Variants in C8orf34 observed in about 807,000 individuals in gnomAD.
C8orf34 encodes chromosome 8 open reading frame 34.
Under a neutral mutation model 68.3 loss-of-function variants are expected in C8orf34, and 65 were observed. That is an observed-to-expected ratio of 0.95 (90% CI 0.78 to 1.17). The LOEUF is 1.17. Among genes scored for constraint, C8orf34 ranks in the 50% most tolerant of loss-of-function variants. The pLI, the probability that C8orf34 is intolerant of heterozygous loss-of-function variation, is 0.00. For missense variants in C8orf34, 664 were observed against 655.4 expected (o/e 1.01, Z -0.14); for synonymous variants, 244 against 241.2 (o/e 1.01, Z -0.11).
intron 7 of C8orf34, among the ~76,000 whole-genome samples, chr8:68,606,650 G>C (rs1391561381): frequency 1.3e-5 from 2 of 152,032 alleles, no homozygotes; most frequent in Non-Finnish European, 2.9e-5. Context: ...CAGGCAACAT[G>C]ATACCCTGCC....
At chr8:68,434,726 G>C (rs1298410994) in intron 1 of C8orf34, among the ~76,000 whole-genome samples, 1 of 152,114 alleles carries the variant, frequency 6.6e-6, no homozygotes, top group Non-Finnish European at 1.5e-5. Context: ...TGAAGTTAAA[G>C]ATTCTAGTTG....
chr8:68,464,649 A>G (rs1318529592), intron 3 of C8orf34, among the ~76,000 whole-genome samples: 1 of 152,058 alleles, frequency 6.6e-6, no homozygotes, highest in East Asian at 1.9e-4. Flanking sequence ...AACACTGCAT[A>G]TCTACAACTA....
intron 2 of C8orf34, 84 bp from the exon 3 acceptor site, chr8:68,446,245 T>C: frequency 2.7e-6 from 3 of 1,127,102 alleles, no homozygotes; most frequent in Non-Finnish European, 3.8e-6. Flanking sequence ...TTTTGTCAAG[T>C]ATATTTAATG....
intron 7 of C8orf34, among the ~76,000 whole-genome samples, chr8:68,544,808 A>G (rs1447197497): frequency 6.6e-6 from 1 of 152,130 alleles, no homozygotes; most frequent in African/African-American, 2.4e-5. Flanking sequence ...CGGAAAAAAA[A>G]TCAGCAAATT....
At chr8:68,465,890 A>T (rs1812103795) in intron 3 of C8orf34, among the ~76,000 whole-genome samples, 3 of 151,982 alleles carry the variant, frequency 2.0e-5, no homozygotes, top group Non-Finnish European at 2.9e-5. Flanking sequence ...AACATGGCAC[A>T]TGTATACATA....
chr8:68,529,579 A>T (rs899787771), intron 6 of C8orf34, among the ~76,000 whole-genome samples: 2 of 152,204 alleles, frequency 1.3e-5, no homozygotes, highest in African/African-American at 4.8e-5. Flanking sequence ...GAAGTATTTG[A>T]TAACAGGGTG....
At chr8:68,732,045 T>C (rs934073070) in intron 10 of C8orf34, among the ~76,000 whole-genome samples, 1 of 152,224 alleles carries the variant, frequency 6.6e-6, no homozygotes, top group Admixed American at 6.5e-5. Flanking sequence ...GATGTGAAGG[T>C]GTTGGGACAC....
Position 68,804,764 on chromosome 8 carries a change from A to G in C8orf34, c.1550-11122A>G, listed in dbSNP as rs566553019. Among the ~76,000 whole-genome samples the G allele has an allele frequency of 1.2e-3, 182 of 152,306 alleles. 2 individuals carry two copies. The highest frequency in any genetic ancestry group is 1.9e-3 in the Non-Finnish European group (132 of 68,024). On this transcript the variant is annotated intron_variant, in intron 12 of 13. Coordinates refer to ENST00000518698, the MANE Select transcript of C8orf34 (RefSeq NM_052958.4). ...AGGGCACTCCAGCCTGGATGACAAG[A>G]GTAAGACCCTGCCTCAAAATAAATA...
intron 7 of C8orf34, among the ~76,000 whole-genome samples, chr8:68,592,644 C>CAGG (rs1817431345): frequency 7.5e-6 from 1 of 133,298 alleles, no homozygotes; most frequent in Non-Finnish European, 1.5e-5. Context: ...CTCTGTCGCC[C>CAGG]AGGCTGGAGT....
At chr8:68,603,521 ATATCTATCTATC>A (rs10542466) in intron 7 of C8orf34, among the ~76,000 whole-genome samples, 119 of 140,550 alleles carry the variant, frequency 8.5e-4, no homozygotes, top group East Asian at 1.7e-3. Context: ...ATATATACAT[ATATCTATCTATC>A]TATCTATCTA....
intron 1 of C8orf34, among the ~76,000 whole-genome samples, chr8:68,384,245 T>A (rs993171321): frequency 1.3e-5 from 2 of 152,316 alleles, no homozygotes; most frequent in Non-Finnish European, 2.9e-5. Flanking sequence ...ATAGGTTCCT[T>A]CGAGAGTAAA....
intron 1 of C8orf34, among the ~76,000 whole-genome samples, chr8:68,404,599 C>T (rs186984663): frequency 2.8e-4 from 42 of 152,256 alleles, no homozygotes; most frequent in Non-Finnish European, 3.8e-4. Context: ...ATATGACTAG[C>T]CAGTTTTCCC....
chr8:68,384,432 C>G (rs7015549), intron 1 of C8orf34, among the ~76,000 whole-genome samples: 65,983 of 152,134 alleles, frequency 0.43, 14,544 homozygotes, highest in Non-Finnish European at 0.48. Flanking sequence ...CTGGCCTCTG[C>G]TTCTGGGTCT....
chr8:68,662,978 G>A (rs1003072413), intron 8 of C8orf34, among the ~76,000 whole-genome samples: 1 of 152,170 alleles, frequency 6.6e-6, no homozygotes, highest in African/African-American at 2.4e-5. Context: ...AAACATAGGA[G>A]TTCTGAAAAC....
At chr8:68,605,253 C>G (rs7831265) in intron 7 of C8orf34, among the ~76,000 whole-genome samples, 40,836 of 152,016 alleles carry the variant, frequency 0.27, 7,652 homozygotes, top group African/African-American at 0.54. Context: ...CTCATTCATT[C>G]CTGGTAGGAA....
intron 3 of C8orf34, among the ~76,000 whole-genome samples, chr8:68,465,253 A>C (rs1812062207): frequency 6.6e-6 from 1 of 151,800 alleles, no homozygotes; most frequent in Admixed American, 6.6e-5. Context: ...ACAATGAGAT[A>C]CCATCTCACA....
In C8orf34 at chr8:68,367,952, A is replaced by G. The variant is rs1179724969; in HGVS notation, c.327+36613A>G. Among the ~76,000 whole-genome samples the G allele has an allele frequency of 2.7e-5, 4 of 145,962 alleles. No individual in the cohort carries two copies. The East Asian group carries it at 6.0e-4, about 22-fold the overall frequency. ...AAAAAAAAAAAGAAAAAAGTACATCACTGAGCTGAAGAAAGATAAACTGGT... is the reference window on the plus strand; with the variant it reads ...AAAAAAAAAAAGAAAAAAGTACATCGCTGAGCTGAAGAAAGATAAACTGGT... On this transcript the variant is annotated intron_variant, in intron 1 of 13. Coordinates refer to ENST00000518698, the MANE Select transcript of C8orf34 (RefSeq NM_052958.4).
chr8:68,590,124 A>G (rs1397021383), intron 7 of C8orf34, among the ~76,000 whole-genome samples: 1 of 149,084 alleles, frequency 6.7e-6, no homozygotes, highest in Non-Finnish European at 1.5e-5. Context: ...AGAGAAAGGA[A>G]GAGAAAGGAA....
chr8:68,533,276 T>C lies in C8orf34; in HGVS notation c.1105+127T>C, dbSNP rs142146130. 119 of 1,409,458 alleles carry C rather than the reference T, an allele frequency of 8.4e-5. No homozygotes were observed. In the African/African-American group the frequency reaches 9.3e-4, roughly 11 times the overall value. The allele number at this position is 1,409,458 out of a possible 1,614,324, so 87.3% of individuals were successfully genotyped here. On this transcript the variant is annotated intron_variant, in intron 7 of 13. Transcript: ENST00000518698. ...GGGAAAAGAAACCATTTAGTACATA[T>C]TTTATTTACATTAGACTCACATAAA... is the stretch of plus-strand genomic sequence containing the variant.
Sources: gnomAD v4.1 joint callset for allele counts (sites outside exome capture counted in the v4.1 genomes callset) on GRCh38, gnomAD v4.1.1 for gene constraint, MANE v1.5 for transcripts, NCBI Gene and HGNC (gene_info 2026-07-23, HGNC 2026-07-21) for gene names.